The following NIN variants were observed in gnomAD, a reference collection of about 807,000 sequenced individuals.
NIN encodes the protein glycogen synthase kinase 3 beta-interacting protein.
Under a neutral mutation model 257.6 loss-of-function variants are expected in NIN, and 137 were observed. The ratio of observed to expected loss-of-function variants is 0.53; its 90% CI spans 0.46 to 0.61. The LOEUF (loss-of-function observed/expected upper bound fraction) is 0.61, where lower values mean the gene tolerates loss of function less well. Among genes scored for constraint, NIN ranks in the 20% least tolerant of loss-of-function variants. The pLI is 0.00. For synonymous variants in NIN, 918 were observed against 919.8 expected (o/e 1.00, Z 0.04); for missense variants, 2,439 against 2,501.2 (o/e 0.98, Z 0.53).
chr14:50,756,737 C>A lies in NIN; in HGVS notation c.4293G>T (p.Leu1431=). Residue 1431 remains leucine (L), a synonymous_variant, in exon 18 of 31, where the codon CTG becomes CTT. Coordinates refer to ENST00000530997, the MANE Select transcript of NIN (RefSeq NM_020921.4). ...AGCCTAGGAGAGTAGTGTTTTCCTC[C>A]AGTATAACTTGATTCTGTACTCTTG... ...ERPRVQNQVI[L]EENTTLLGFQ... 6.4e-7 allele frequency: 1 copy of A among 1,551,612 alleles called. No individual in the cohort carries two copies. Among genetic ancestry groups the A allele is most frequent in the Non-Finnish European group, 8.7e-7 (1 of 1,146,984 alleles).
At chr14:50,791,381 G>A (rs1046300103) in intron 5 of NIN, among the ~76,000 whole-genome samples, 2 of 151,982 alleles carry the variant, frequency 1.3e-5, no homozygotes, top group African/African-American at 2.4e-5. Context: ...AGCTTTTTCT[G>A]CTTTTGGCTT....
At chr14:50,765,350 T>C (rs752670550) in intron 14 of NIN, among the ~76,000 whole-genome samples, 1 of 152,214 alleles carries the variant, frequency 6.6e-6, no homozygotes, top group Non-Finnish European at 1.5e-5. Context: ...AATACCTCTA[T>C]TTAATTAGAA....
intron 21 of NIN, among the ~76,000 whole-genome samples, chr14:50,750,605 C>A (rs771761243): frequency 6.6e-6 from 1 of 152,172 alleles, no homozygotes; most frequent in Non-Finnish European, 1.5e-5. Context: ...AGTATCCAGT[C>A]AAGATATTAA....
intron 13 of NIN, 134 bp from the exon 14 acceptor site, chr14:50,766,530 C>T (rs1321130785): frequency 1.3e-6 from 1 of 771,308 alleles, no homozygotes; most frequent in Non-Finnish European, 2.2e-6. Context: ...GCACGAACAA[C>T]ACCAACTGGG....
At chr14:50,796,326 A>G (rs143633011) in intron 4 of NIN, among the ~76,000 whole-genome samples, 4 of 152,362 alleles carry the variant, frequency 2.6e-5, no homozygotes, top group Non-Finnish European at 4.4e-5. Context: ...GTTTTATTCC[A>G]TAAGCCAAAT....
rs2040935779 is a variant in NIN at position 50,735,584 on chromosome 14, C to CTAATTCTTGTTCAAGGGAATTCA, written c.5786_5808dup (p.Glu1937Ter). 2.5e-6 allele frequency: 4 copies of CTAATTCTTGTTCAAGGGAATTCA among 1,612,384 alleles called. No individual in the cohort carries two copies. In the East Asian group the frequency reaches 8.9e-5, roughly 36 times the overall value. On this transcript the variant is annotated stop_gained and frameshift_variant, in exon 28 of 31. Transcript: ENST00000530997. LOFTEE classifies it high-confidence loss of function. ...CCTTCATTTTCCAAATGAATTGTTT[C>CTAATTCTTGTTCAAGGGAATTCA]TAATTCTTGTTCAAGGGAATTCATC... is the stretch of plus-strand genomic sequence containing the variant.
chr14:50,817,635 T>C (rs1162159860), intron 3 of NIN, among the ~76,000 whole-genome samples: 1 of 152,152 alleles, frequency 6.6e-6, no homozygotes, highest in Admixed American at 6.5e-5. Context: ...ACATAGGGTA[T>C]TTCAGCATCC....
chr14:50,728,659 C>T (rs1198467260), intron 29 of NIN, among the ~76,000 whole-genome samples: 1 of 152,154 alleles, frequency 6.6e-6, no homozygotes, highest in Admixed American at 6.5e-5. Flanking sequence ...TAGAATTCCA[C>T]AAAGAAGGAC....
rs1182674833 is a variant in NIN, at chr14:50,722,971, T to C, written c.*492A>G. 4.7e-6 allele frequency: 1 copy of C among 213,072 alleles called. No homozygotes were observed. The highest frequency in any genetic ancestry group is 2.3e-5 in the African/African-American group (1 of 44,156). The allele number at this position is 213,072 out of a possible 1,614,324, so 13.2% of individuals were successfully genotyped here. A position where few individuals can be genotyped will look rare whatever the true frequency, so the allele number is the denominator to read the frequency against. ...ATAAGCCCTGCCTCCTAACCAATTA[T>C]ACTCTACTAATTGTCTACCAATTCA... On this transcript the variant is annotated 3_prime_UTR_variant, in exon 31 of 31. Coordinates refer to ENST00000530997, the MANE Select transcript of NIN (RefSeq NM_020921.4).
intron 28 of NIN, among the ~76,000 whole-genome samples, chr14:50,734,175 C>G (rs1185647220): frequency 6.6e-6 from 1 of 151,646 alleles, no homozygotes; most frequent in East Asian, 1.9e-4. Flanking sequence ...CTGCAACCTC[C>G]GCCTCCCAGG....
chr14:50,782,716 A>G (rs1314713803), intron 5 of NIN, among the ~76,000 whole-genome samples: 6 of 152,200 alleles, frequency 3.9e-5, no homozygotes, highest in Non-Finnish European at 8.8e-5. Flanking sequence ...ATTCTCACTA[A>G]ATTTATTTCC....
intron 3 of NIN, among the ~76,000 whole-genome samples, chr14:50,813,365 C>T (rs757097762): frequency 6.6e-6 from 1 of 152,194 alleles, no homozygotes; most frequent in Non-Finnish European, 1.5e-5. Flanking sequence ...TACAAGCATT[C>T]CTATACCTTG....
intron 29 of NIN, 138 bp from the exon 30 acceptor site, chr14:50,726,204 A>G (rs1367872103): frequency 7.6e-6 from 5 of 660,338 alleles, no homozygotes; most frequent in African/African-American, 7.3e-5. Context: ...TCATGAAATG[A>G]GAGTTTTGAG....
intron 14 of NIN, among the ~76,000 whole-genome samples, chr14:50,765,287 G>C (rs1353658133): frequency 6.6e-6 from 1 of 152,046 alleles, no homozygotes; most frequent in Non-Finnish European, 1.5e-5. Flanking sequence ...ATTTCTGAAG[G>C]TAGAGCTGAC....
chr14:50,766,994 TTATC>T (rs1311659908), intron 12 of NIN, 104 bp from the exon 13 acceptor site: 4 of 746,368 alleles, frequency 5.4e-6, no homozygotes, highest in African/African-American at 1.7e-5. Flanking sequence ...TTAAAGATGT[TTATC>T]TATCTTAAAA....
At chr14:50,789,628 A>T (rs983739277) in intron 5 of NIN, among the ~76,000 whole-genome samples, 2 of 152,222 alleles carry the variant, frequency 1.3e-5, no homozygotes, top group African/African-American at 4.8e-5. Context: ...CAGATTCAGA[A>T]TTCATTATAA....
intron 17 of NIN, 147 bp downstream of exon 17, chr14:50,759,710 C>G (rs1293380853): frequency 5.0e-6 from 4 of 793,738 alleles, no homozygotes; most frequent in Non-Finnish European, 8.0e-6. Context: ...AGCCAGGTCT[C>G]GATCTCCTGA....
chr14:50,726,144 A>G (rs372657715), intron 29 of NIN, 78 bp from the exon 30 acceptor site: 4 of 1,131,748 alleles, frequency 3.5e-6, no homozygotes, highest in Non-Finnish European at 3.9e-6. Context: ...CAAGATGCCT[A>G]GAGAAAGGAC....
Position 50,778,754 on chromosome 14 carries a change from T to A in NIN, c.475+11A>T. 6.2e-7 allele frequency: 1 copy of A among 1,613,758 alleles called. No homozygotes were observed. The highest frequency in any genetic ancestry group is 1.1e-5 in the South Asian group (1 of 91,068). On this transcript the variant is annotated intron_variant, in intron 6 of 30. Coordinates refer to ENST00000530997, the MANE Select transcript of NIN (RefSeq NM_020921.4). ...CCCTTCCAGGCACGTCCTGACACAC[T>A]CGGCTCTTACCTTCCGCTTCATACT...
Sources: allele counts gnomAD v4.1 joint callset (sites outside exome capture counted in the v4.1 genomes callset), GRCh38; gene constraint gnomAD v4.1.1; transcripts MANE v1.5; gene names NCBI Gene and HGNC (gene_info 2026-07-23, HGNC 2026-07-21).